The following NKAIN2 variants were observed in gnomAD, a reference collection of about 807,000 sequenced individuals.
NKAIN2 encodes sodium/potassium-transporting ATPase subunit beta-1-interacting protein 2.
A neutral mutation model predicts 32.6 loss-of-function variants in NKAIN2; 14 were observed. The ratio of observed to expected loss-of-function variants is 0.43; its 90% CI spans 0.28 to 0.67. The LOEUF (loss-of-function observed/expected upper bound fraction) is 0.67, where lower values mean the gene tolerates loss of function less well. Among genes scored for constraint, NKAIN2 ranks in the 30% least tolerant of loss-of-function variants. NKAIN2 has a pLI of 0.17. For synonymous variants in NKAIN2, 80 were observed against 87.2 expected (o/e 0.92, Z 0.46); for missense variants, 198 against 258.3 (o/e 0.77, Z 1.60).
intron 3 of NKAIN2, among the ~76,000 whole-genome samples, chr6:124,656,506 T>C (rs556703212): frequency 1.3e-5 from 2 of 152,204 alleles, no homozygotes; most frequent in South Asian, 4.2e-4. Flanking sequence ...GAGAGATATC[T>C]AGGCTAACAG....
At chr6:124,577,135 G>A (rs1012016547) in intron 3 of NKAIN2, among the ~76,000 whole-genome samples, 6 of 151,244 alleles carry the variant, frequency 4.0e-5, no homozygotes, top group African/African-American at 9.7e-5. Context: ...AGCAAGAAAG[G>A]AGATGGAGCA....
At chr6:124,412,956 C>T (rs619647) in intron 3 of NKAIN2, among the ~76,000 whole-genome samples, 1 of 152,056 alleles carries the variant, frequency 6.6e-6, no homozygotes, top group Non-Finnish European at 1.5e-5. Context: ...GCTCCATGGG[C>T]GTAGGACCCT....
intron 3 of NKAIN2, among the ~76,000 whole-genome samples, chr6:124,581,728 T>C (rs1327681704): frequency 6.6e-6 from 1 of 152,144 alleles, no homozygotes; most frequent in Non-Finnish European, 1.5e-5. Flanking sequence ...TACAAACATA[T>C]GTAAATTAAA....
intron 3 of NKAIN2, among the ~76,000 whole-genome samples, chr6:124,643,259 T>C (rs1373907611): frequency 6.6e-6 from 1 of 152,218 alleles, no homozygotes; most frequent in South Asian, 2.1e-4. Context: ...AATGCTATTC[T>C]ATACTACTAC....
At chr6:124,552,642 T>C (rs2114870877) in intron 3 of NKAIN2, among the ~76,000 whole-genome samples, 1 of 152,346 alleles carries the variant, frequency 6.6e-6, no homozygotes, top group Non-Finnish European at 1.5e-5. Context: ...ATGAAGTCAC[T>C]GAGTTAAATA....
chr6:124,302,439 C>G (rs933556876), intron 2 of NKAIN2, among the ~76,000 whole-genome samples: 2 of 152,094 alleles, frequency 1.3e-5, no homozygotes, highest in Non-Finnish European at 2.9e-5. Context: ...TAAAGACTTT[C>G]TTGTTAATCA....
intron 1 of NKAIN2, among the ~76,000 whole-genome samples, chr6:124,169,398 A>G (rs984041383): frequency 3.3e-5 from 5 of 152,186 alleles, no homozygotes; most frequent in Admixed American, 2.0e-4. Context: ...CTCATTAAGT[A>G]TTAAAAATGC....
At chr6:124,464,504 T>C (rs1776663513) in intron 3 of NKAIN2, among the ~76,000 whole-genome samples, 1 of 152,012 alleles carries the variant, frequency 6.6e-6, no homozygotes, top group Admixed American at 6.6e-5. Flanking sequence ...ATTTATTACA[T>C]CTTTTTTTCC....
At chr6:124,092,485 A>G (rs1438516789) in intron 1 of NKAIN2, among the ~76,000 whole-genome samples, 1 of 152,096 alleles carries the variant, frequency 6.6e-6, no homozygotes, top group African/African-American at 2.4e-5. Context: ...TAAAGGAAAT[A>G]TTAAAAACTT....
At chr6:124,018,519 T>G (rs1416209158) in intron 1 of NKAIN2, among the ~76,000 whole-genome samples, 1 of 152,150 alleles carries the variant, frequency 6.6e-6, no homozygotes, top group African/African-American at 2.4e-5. Context: ...TCTTCAAAAT[T>G]TCTTTCTCCA....
intron 1 of NKAIN2, among the ~76,000 whole-genome samples, chr6:124,069,065 T>G (rs1019428902): frequency 2.0e-5 from 3 of 152,150 alleles, no homozygotes; most frequent in Non-Finnish European, 2.9e-5. Flanking sequence ...CGTACAGGGA[T>G]CACTACATTT....
At chr6:124,768,329 G>T (rs983010849) in intron 4 of NKAIN2, among the ~76,000 whole-genome samples, 1 of 152,104 alleles carries the variant, frequency 6.6e-6, no homozygotes, top group African/African-American at 2.4e-5. Flanking sequence ...GCATGTACAA[G>T]CTCCCCACTT....
chr6:124,798,605 C>T (rs1233164082), intron 5 of NKAIN2, among the ~76,000 whole-genome samples: 1 of 152,080 alleles, frequency 6.6e-6, no homozygotes, highest in Non-Finnish European at 1.5e-5. Context: ...TTCCCATTCC[C>T]CCCTCTGCCC....
intron 4 of NKAIN2, among the ~76,000 whole-genome samples, chr6:124,664,991 A>G (rs1481760657): frequency 2.6e-5 from 4 of 152,056 alleles, no homozygotes; most frequent in African/African-American, 9.7e-5. Context: ...GATTTATTTA[A>G]AAGAAAAATG....
chr6:124,709,300 C>G (rs879881734), intron 4 of NKAIN2, among the ~76,000 whole-genome samples: 1 of 148,290 alleles, frequency 6.7e-6, no homozygotes, highest in Non-Finnish European at 1.5e-5. Context: ...CTAAAATTCT[C>G]TTTTTTGGTT....
intron 1 of NKAIN2, among the ~76,000 whole-genome samples, chr6:123,817,267 T>C (rs1432315711): frequency 2.0e-5 from 3 of 152,216 alleles, no homozygotes; most frequent in Non-Finnish European, 4.4e-5. Flanking sequence ...TTATTTGTTA[T>C]GAGGAGCTGC....
rs146921690 is a variant in NKAIN2, at chr6:124,702,401, T to C, written c.474+44015T>C. The stretch of plus-strand genomic sequence containing the variant: ...AAGATATTTATATTGACTTGAATGA[T>C]GAGTAAGCATTGTGAATTGTCTCCA... On this transcript the variant is annotated intron_variant, in intron 4 of 6. Transcript: ENST00000368417. Among the ~76,000 whole-genome samples the C allele has an allele frequency of 2.2e-3, 334 of 152,260 alleles. 3 individuals carry two copies. Among genetic ancestry groups the C allele is most frequent in the African/African-American group, 7.7e-3 (318 of 41,566 alleles).
At chr6:123,871,504 C>G (rs979758871) in intron 1 of NKAIN2, among the ~76,000 whole-genome samples, 1 of 152,146 alleles carries the variant, frequency 6.6e-6, no homozygotes, top group Admixed American at 6.5e-5. Context: ...TGCCTCCTCC[C>G]CCCAGTTGAA....
At chr6:124,576,842 C>G (rs1021856922) in intron 3 of NKAIN2, among the ~76,000 whole-genome samples, 1 of 152,078 alleles carries the variant, frequency 6.6e-6, no homozygotes, top group African/African-American at 2.4e-5. Context: ...GAATCATAGA[C>G]CTAAATGTAA....
Sources: gnomAD v4.1 joint callset for allele counts (sites outside exome capture counted in the v4.1 genomes callset) on GRCh38, gnomAD v4.1.1 for gene constraint, MANE v1.5 for transcripts, NCBI Gene and HGNC (gene_info 2026-07-23, HGNC 2026-07-21) for gene names.